The following GABRA2 variants were observed in gnomAD, a reference collection of about 807,000 sequenced individuals.
GABRA2 encodes gamma-aminobutyric acid type A receptor subunit alpha2.
Under a neutral mutation model 48.7 loss-of-function variants are expected in GABRA2, and 16 were observed. That is an observed-to-expected ratio of 0.33 (90% CI 0.22 to 0.50). The LOEUF (loss-of-function observed/expected upper bound fraction) is 0.50. Among genes scored for constraint, GABRA2 ranks in the 20% least tolerant of loss-of-function variants. GABRA2 has a pLI of 0.98. For missense variants in GABRA2, 275 were observed against 535.6 expected (o/e 0.51, Z 4.80); for synonymous variants, 185 against 184.5 (o/e 1.00, Z -0.02).
At chr4:46,388,581 C>T in intron 2 of GABRA2, 55 bp downstream of exon 2, 1 of 1,599,366 alleles carries the variant, frequency 6.3e-7, no homozygotes, top group South Asian at 1.1e-5. Context: ...TAATGGCCTA[C>T]AAGAAACACA....
intron 3 of GABRA2, among the ~76,000 whole-genome samples, chr4:46,335,626 A>C (rs955651197): frequency 3.3e-5 from 5 of 152,080 alleles, no homozygotes; most frequent in African/African-American, 1.2e-4. Context: ...GACGCACACC[A>C]CGTCCAGCTA....
At chr4:46,284,722 C>G (rs1399644950) in intron 8 of GABRA2, among the ~76,000 whole-genome samples, 1 of 152,086 alleles carries the variant, frequency 6.6e-6, no homozygotes, top group East Asian at 1.9e-4. Context: ...CTATTCACAG[C>G]ATGAACGCCA....
intron 8 of GABRA2, among the ~76,000 whole-genome samples, chr4:46,262,609 A>T (rs1394919445): frequency 6.6e-6 from 1 of 152,150 alleles, no homozygotes; most frequent in Non-Finnish European, 1.5e-5. Flanking sequence ...ATTTAAACAT[A>T]CTTCAAGAGG....
chr4:46,363,739 T>G (rs1007614480), intron 3 of GABRA2: 24 of 152,162 alleles, frequency 1.6e-4, no homozygotes, highest in African/African-American at 5.8e-4. Context: ...ATTTATTCAA[T>G]ATGAGCAAGG....
At chr4:46,316,039 C>A (rs1035388126) in intron 4 of GABRA2, among the ~76,000 whole-genome samples, 1 of 151,754 alleles carries the variant, frequency 6.6e-6, no homozygotes, top group African/African-American at 2.4e-5. Flanking sequence ...CTGACACTTG[C>A]ATCTTTTAGC....
At chr4:46,318,255 TTAAAA>T (rs1169985072) in intron 4 of GABRA2, among the ~76,000 whole-genome samples, 11 of 151,336 alleles carry the variant, frequency 7.3e-5, no homozygotes, top group Admixed American at 4.6e-4. Context: ...TAATTAGTCC[TTAAAA>T]TAAATATTTA....
chr4:46,293,452 C>A (rs1043946573), intron 8 of GABRA2, among the ~76,000 whole-genome samples: 1 of 152,140 alleles, frequency 6.6e-6, no homozygotes, highest in South Asian at 2.1e-4. Flanking sequence ...TCTGAGTTGA[C>A]GTTGATTCCA....
chr4:46,303,722 A>C, intron 7 of GABRA2, 110 bp from the exon 8 acceptor site: 1 of 819,596 alleles, frequency 1.2e-6, no homozygotes, highest in Non-Finnish European at 1.9e-6. Context: ...AAAATAATAT[A>C]TCACATACAT....
rs367960695 is a variant in GABRA2, at chr4:46,381,873, G to T, written c.187+4201C>A. Reference sequence around the variant, plus strand: ...TATTGGTGTTAATAGTGAGAGGCTGGTGTAGTAATTAAATAATCACTCCAT... The same window carrying T: ...TATTGGTGTTAATAGTGAGAGGCTGTTGTAGTAATTAAATAATCACTCCAT... On this transcript the variant is annotated intron_variant, in intron 3 of 9. Transcript: ENST00000381620. 2.6e-5 allele frequency among the ~76,000 whole-genome samples: 4 copies of T among 152,242 alleles called. No individual in the cohort carries two copies. The East Asian group carries it at 7.7e-4, about 29-fold the overall frequency.
intron 3 of GABRA2, among the ~76,000 whole-genome samples, chr4:46,337,820 T>C (rs1055835190): frequency 6.6e-6 from 1 of 151,514 alleles, no homozygotes; most frequent in Non-Finnish European, 1.5e-5. Context: ...ATAAAACAAA[T>C]GAAGAGGTTT....
chr4:46,286,526 T>C (rs537787), intron 8 of GABRA2, among the ~76,000 whole-genome samples: 92,650 of 151,846 alleles, frequency 0.61, 28,766 homozygotes, highest in South Asian at 0.76. Flanking sequence ...AGCCATCAAA[T>C]TTGTTCACAG....
At chr4:46,325,724 C>T (rs1730240790) in intron 4 of GABRA2, among the ~76,000 whole-genome samples, 1 of 151,966 alleles carries the variant, frequency 6.6e-6, no homozygotes, top group South Asian at 2.1e-4. Context: ...ACATTTAAGT[C>T]TTTAATCCAT....
chr4:46,349,164 T>C (rs1381874427), intron 3 of GABRA2, among the ~76,000 whole-genome samples: 1 of 152,002 alleles, frequency 6.6e-6, no homozygotes, highest in Non-Finnish European at 1.5e-5. Context: ...AATGTAAACA[T>C]AATTCTATAT....
intron 4 of GABRA2, among the ~76,000 whole-genome samples, chr4:46,328,994 G>A (rs1448357166): frequency 6.6e-6 from 1 of 151,948 alleles, no homozygotes; most frequent in African/African-American, 2.4e-5. Context: ...GTGAGTAAAT[G>A]CATGTGTTTG....
chr4:46,343,242 A>C (rs1733598174), intron 3 of GABRA2, among the ~76,000 whole-genome samples: 1 of 152,018 alleles, frequency 6.6e-6, no homozygotes, highest in African/African-American at 2.4e-5. Flanking sequence ...TTTTAAAATA[A>C]AAACTCTAAG....
At chr4:46,255,202 A>G (rs988194980) in intron 9 of GABRA2, among the ~76,000 whole-genome samples, 6 of 151,676 alleles carry the variant, frequency 4.0e-5, no homozygotes, top group African/African-American at 1.5e-4. Context: ...GCAGGCTCAG[A>G]AACGTTTGCT....
intron 9 of GABRA2, among the ~76,000 whole-genome samples, chr4:46,251,550 C>T (rs1263659834): frequency 6.6e-6 from 1 of 151,286 alleles, no homozygotes; most frequent in East Asian, 2.0e-4. Flanking sequence ...CCTGATATAC[C>T]ATCTCCCCAC....
intron 4 of GABRA2, among the ~76,000 whole-genome samples, chr4:46,318,632 CA>C (rs1039968395): frequency 1.3e-5 from 2 of 150,972 alleles, no homozygotes; most frequent in African/African-American, 4.9e-5. Flanking sequence ...AGAAATTTAC[CA>C]AAAAAATAAA....
chr4:46,381,400 C>T (rs1716739677), intron 3 of GABRA2, among the ~76,000 whole-genome samples: 1 of 152,168 alleles, frequency 6.6e-6, no homozygotes, highest in Non-Finnish European at 1.5e-5. Flanking sequence ...AGCTAATCTG[C>T]ATCTACAGTC....
Sources: allele counts gnomAD v4.1 joint callset (sites outside exome capture counted in the v4.1 genomes callset), GRCh38; gene constraint gnomAD v4.1.1; transcripts MANE v1.5; gene names NCBI Gene and HGNC (gene_info 2026-07-23, HGNC 2026-07-21).